OSBPL10: variants seen among roughly 807,000 people sequenced by gnomAD.
The protein encoded by OSBPL10 is oxysterol-binding protein-related protein 10.
A neutral mutation model predicts 81.7 loss-of-function variants in OSBPL10; 49 were observed. That is an observed-to-expected ratio of 0.60 (90% confidence interval 0.48 to 0.76). The LOEUF is 0.76. Ranked by LOEUF, OSBPL10 falls within the 30% of genes least tolerant of loss-of-function variation. OSBPL10 has a pLI of 0.00. For missense variants in OSBPL10, 923 were observed against 987.8 expected (o/e 0.93, Z 0.88); for synonymous variants, 419 against 383.6 (o/e 1.09, Z -1.08).
intron 1 of OSBPL10, among the ~76,000 whole-genome samples, chr3:31,899,969 GA>G (rs1696183578): frequency 6.6e-6 from 1 of 151,164 alleles, no homozygotes; most frequent in African/African-American, 2.4e-5. Flanking sequence ...CTTTGCAGAA[GA>G]TTAAGCTGTT....
chr3:31,815,866 G>A (rs9833954), intron 4 of OSBPL10, among the ~76,000 whole-genome samples: 1,743 of 152,108 alleles, frequency 0.011, 36 homozygotes, highest in African/African-American at 0.039. Context: ...TTATTGTCTC[G>A]AGCCTTAGGG....
At position 31,934,439 on chromosome 3, in the gene OSBPL10, C is replaced by G. The variant is rs535683453; in HGVS notation, c.281+46460G>C. Among the ~76,000 whole-genome samples the G allele has an allele frequency of 2.1e-5, 3 of 146,210 alleles. No individual in the cohort carries two copies. In the East Asian group the frequency reaches 6.0e-4, roughly 29 times the overall value. ...TTTTTTTTTTTTGGAGACAAAGTCT[C>G]GCTCTGGCGCCCAGGCTGGAGTGCA... On this transcript the variant is annotated intron_variant, in intron 1 of 11. Coordinates refer to ENST00000396556, the MANE Select transcript of OSBPL10 (RefSeq NM_017784.5).
chr3:31,750,683 A>G (rs1269522572), intron 4 of OSBPL10, among the ~76,000 whole-genome samples: 1 of 152,186 alleles, frequency 6.6e-6, no homozygotes, highest in Non-Finnish European at 1.5e-5. Flanking sequence ...CTGTCTTAGA[A>G]AAATGCACTG....
chr3:31,855,048 A>T (rs975894445), intron 3 of OSBPL10, among the ~76,000 whole-genome samples: 4 of 152,164 alleles, frequency 2.6e-5, no homozygotes, highest in Non-Finnish European at 5.9e-5. Flanking sequence ...TTTGCCAGAG[A>T]CAGGGATCTT....
At chr3:32,049,295 C>G (rs530311540) in intron 1 of OSBPL10, among the ~76,000 whole-genome samples, 1 of 152,302 alleles carries the variant, frequency 6.6e-6, no homozygotes, top group East Asian at 1.9e-4. Flanking sequence ...GGGTCTGGAT[C>G]AGGAGCCCTT....
At chr3:31,989,287 A>C in intron 2 of OSBPL10, 1 of 1,614,240 alleles carries the variant, frequency 6.2e-7, no homozygotes, top group African/African-American at 1.3e-5. Context: ...TTCCAAATGC[A>C]TGATGAAGAA....
chr3:31,936,173 C>T (rs1408468638), intron 1 of OSBPL10, among the ~76,000 whole-genome samples: 2 of 152,132 alleles, frequency 1.3e-5, no homozygotes, highest in Non-Finnish European at 2.9e-5. Flanking sequence ...GCCTCTCATG[C>T]TTTAATAATT....
Position 31,747,898 on chromosome 3 carries a change from C to CG in OSBPL10, c.940+11dup. 2 of 1,612,586 alleles carry CG rather than the reference C, an allele frequency of 1.2e-6. No individual in the cohort carries two copies. The highest frequency in any genetic ancestry group is 1.7e-6 in the Non-Finnish European group (2 of 1,179,848). ...CTCATCCCAAACATGGACAAGCCCCCGGGGGTCTTACCCGAGGCTCCTGGC... is the reference window on the plus strand; with the variant it reads ...CTCATCCCAAACATGGACAAGCCCCCGGGGGGTCTTACCCGAGGCTCCTGGC... On this transcript the variant is annotated intron_variant, in intron 5 of 11. Coordinates refer to ENST00000396556, the MANE Select transcript of OSBPL10 (RefSeq NM_017784.5).
At chr3:32,035,091 C>G (rs950320245) in intron 2 of OSBPL10, among the ~76,000 whole-genome samples, 2 of 152,018 alleles carry the variant, frequency 1.3e-5, no homozygotes, top group Non-Finnish European at 2.9e-5. Context: ...CTAGCCACAC[C>G]AGAGAGAATG....
intron 5 of OSBPL10, among the ~76,000 whole-genome samples, chr3:31,735,664 C>G (rs1173882513): frequency 6.6e-6 from 1 of 152,180 alleles, no homozygotes; most frequent in Non-Finnish European, 1.5e-5. Context: ...TCCCAGAGGG[C>G]TGTTCCTCCA....
chr3:31,933,905 C>T (rs868130572), intron 1 of OSBPL10, among the ~76,000 whole-genome samples: 2 of 151,698 alleles, frequency 1.3e-5, no homozygotes, highest in African/African-American at 2.4e-5. Context: ...GGAAAGAAGA[C>T]AGAAAAAAGT....
At chr3:31,737,335 T>C (rs554400411) in intron 5 of OSBPL10, among the ~76,000 whole-genome samples, 1 of 152,178 alleles carries the variant, frequency 6.6e-6, no homozygotes, top group African/African-American at 2.4e-5. Context: ...GTACAGAGCT[T>C]GGGGAAAAAA....
In OSBPL10 at chr3:31,988,991, G is replaced by A. The variant is rs976940980; in HGVS notation, n.298+57500C>T. The A allele has an allele frequency of 7.2e-6, 11 of 1,532,396 alleles. No individual in the cohort carries two copies. The South Asian group carries it at 9.6e-5, about 13-fold the overall frequency. The allele number at this position is 1,532,396 out of a possible 1,614,324, so 94.9% of individuals were successfully genotyped here. On this transcript the variant is annotated intron_variant and non_coding_transcript_variant, in intron 2 of 3. Coordinates refer to the OSBPL10 transcript ENST00000479173. ...TAAGCCACGAAGTTTGTGATAATTT[G>A]TTTCTCGGAAACAGATAACTAATAC...
At chr3:31,671,047 A>T in intron 8 of OSBPL10, 64 bp from the exon 9 acceptor site, 1 of 1,441,038 alleles carries the variant, frequency 6.9e-7, no homozygotes, top group East Asian at 2.4e-5. Flanking sequence ...GGGGATCAGA[A>T]GAAATGAAGA....
chr3:31,978,450 T>C (rs1698743304), intron 1 of OSBPL10, among the ~76,000 whole-genome samples: 1 of 152,248 alleles, frequency 6.6e-6, no homozygotes, highest in African/African-American at 2.4e-5. Flanking sequence ...TCAAAGTTTC[T>C]ATTTTTATCC....
chr3:31,691,610 T>C (rs1695553619), intron 7 of OSBPL10, among the ~76,000 whole-genome samples: 1 of 152,050 alleles, frequency 6.6e-6, no homozygotes, highest in Non-Finnish European at 1.5e-5. Flanking sequence ...AGTCTTACTG[T>C]TGTCTTAGCT....
chr3:32,033,192 A>G (rs779731398), intron 2 of OSBPL10, among the ~76,000 whole-genome samples: 3 of 152,218 alleles, frequency 2.0e-5, no homozygotes, highest in Non-Finnish European at 4.4e-5. Context: ...CAACTTGTCA[A>G]AATTTGAAGG....
intron 4 of OSBPL10, among the ~76,000 whole-genome samples, chr3:31,752,861 C>G (rs1697760868): frequency 6.6e-6 from 1 of 152,192 alleles, no homozygotes; most frequent in Non-Finnish European, 1.5e-5. Flanking sequence ...GTCACTCCTC[C>G]ATTACTCTCC....
At chr3:31,855,208 C>T (rs1409490965) in intron 3 of OSBPL10, among the ~76,000 whole-genome samples, 3 of 151,954 alleles carry the variant, frequency 2.0e-5, no homozygotes, top group South Asian at 4.1e-4. Flanking sequence ...TTTTTGTGCA[C>T]ACAAGGTCTT....
Sources: gnomAD v4.1 joint callset for allele counts (sites outside exome capture counted in the v4.1 genomes callset) on GRCh38, gnomAD v4.1.1 for gene constraint, MANE v1.5 for transcripts, NCBI Gene and HGNC (gene_info 2026-07-23, HGNC 2026-07-21) for gene names.